DAZAP1: variants seen among roughly 807,000 people sequenced by gnomAD.
DAZAP1 encodes DAZ-associated protein 1.
In DAZAP1, 6 loss-of-function variants were observed where a neutral mutation model predicts 60.1. The ratio of observed to expected loss-of-function variants is 0.10; its 90% CI spans 0.05 to 0.20. The LOEUF is 0.20. DAZAP1 is among the 10% of genes least tolerant of loss of function. The pLI is 1.00. For synonymous variants in DAZAP1, 235 were observed against 215.9 expected (o/e 1.09, Z -0.78); for missense variants, 366 against 560.4 (o/e 0.65, Z 3.50).
rs1053261622 is a variant in DAZAP1 at position 1,425,147 on chromosome 19, T to C, written c.464-731T>C. On this transcript the variant is annotated intron_variant, in intron 6 of 11. Transcript: ENST00000233078. This position sits in a 1 kb window ranked among gnomAD's most constrained non-coding sequence, Gnocchi z 5.4. ...CCGTTGTGGCCTGTATCTTTGTGCATTGTTTCTCTACCTGTATAGAACATG... is the reference window on the plus strand; with the variant it reads ...CCGTTGTGGCCTGTATCTTTGTGCACTGTTTCTCTACCTGTATAGAACATG... 6.6e-6 allele frequency among the ~76,000 whole-genome samples: 1 copy of C among 152,244 alleles called. No individual in the cohort carries two copies.
chr19:1,434,918 G>A lies in DAZAP1; in HGVS notation c.*6G>A, dbSNP rs776036657. On this transcript the variant is annotated 3_prime_UTR_variant, in exon 12 of 12. Transcript: ENST00000233078. The surrounding 1 kb of genome is among the most constrained non-coding windows in gnomAD (Gnocchi z 8.0). ...TCCACCCCTACCGACGCTAGCCCGCGGCGCCGCGACGTCTGCACGGCCCAG... is the reference window on the plus strand; with the variant it reads ...TCCACCCCTACCGACGCTAGCCCGCAGCGCCGCGACGTCTGCACGGCCCAG... 2.8e-6 allele frequency: 4 copies of A among 1,437,888 alleles called. No homozygotes were observed. Among genetic ancestry groups the A allele is most frequent in the Admixed American group, 5.9e-5 (2 of 33,626 alleles). The allele number at this position is 1,437,888 out of a possible 1,614,324, so 89.1% of individuals were successfully genotyped here.
rs997238243 is a variant in DAZAP1 at position 1,433,205 on chromosome 19, G to A, written c.1048+515G>A. Reference sequence around the variant, plus strand: ...TCTGCCTGGACGTGATCTGCAGGCAGCGCATGTGCTTCCGGGGCAGGAGCT... The same window carrying A: ...TCTGCCTGGACGTGATCTGCAGGCAACGCATGTGCTTCCGGGGCAGGAGCT... On this transcript the variant is annotated intron_variant, in intron 11 of 11. Coordinates refer to ENST00000233078, the MANE Select transcript of DAZAP1 (RefSeq NM_018959.4). The surrounding 1 kb of genome is among the most constrained non-coding windows in gnomAD (Gnocchi z 6.1). The A allele has an allele frequency of 2.7e-5, 5 of 186,016 alleles. No homozygotes were observed. The highest frequency in any genetic ancestry group is 5.5e-5 in the Admixed American group (1 of 18,322). The allele number at this position is 186,016 out of a possible 1,614,324, so 11.5% of individuals were successfully genotyped here.
At position 1,422,253 on chromosome 19, in the gene DAZAP1, C is replaced by A; in HGVS notation, c.415-95C>A. The A allele has an allele frequency of 8.5e-7, 1 of 1,179,212 alleles. No individual in the cohort carries two copies. The highest frequency in any genetic ancestry group is 1.3e-6 in the Non-Finnish European group (1 of 796,456). The allele number at this position is 1,179,212 out of a possible 1,614,324, so 73.0% of individuals were successfully genotyped here. On this transcript the variant is annotated intron_variant, in intron 5 of 11. Coordinates refer to ENST00000233078, the MANE Select transcript of DAZAP1 (RefSeq NM_018959.4). This position sits in a 1 kb window ranked among gnomAD's most constrained non-coding sequence, Gnocchi z 4.5. The stretch of plus-strand genomic sequence containing the variant: ...CCGCTCAGGGAGGGCGCACCCTGTG[C>A]GAGAGTTTGGGTTCGTGGGAACAGG...
intron 5 of DAZAP1, among the ~76,000 whole-genome samples, chr19:1,421,599 C>T (rs1214973480): frequency 6.6e-6 from 1 of 152,234 alleles, no homozygotes; most frequent in Non-Finnish European, 1.5e-5. Flanking sequence ...GCGAGCCAGC[C>T]CCACAGAGCT....
chr19:1,415,353 A>ATG (rs61360796), intron 1 of DAZAP1, among the ~76,000 whole-genome samples: 29,149 of 109,026 alleles, frequency 0.27, 3,841 homozygotes, highest in Middle Eastern at 0.45. Flanking sequence ...TCAGGGTTTT[A>ATG]TGTGTGTGTG....
chr19:1,434,619 CCCCGTGGGA>C lies in DAZAP1; in HGVS notation c.1049-110_1049-102del, dbSNP rs2083548159. The C allele has an allele frequency of 9.2e-7, 1 of 1,083,840 alleles. No homozygotes were observed. The allele number at this position is 1,083,840 out of a possible 1,614,324, so 67.1% of individuals were successfully genotyped here. ...TGGCCTCAGAAGGGCCCCACCCGCA[CCCCGTGGGA>C]CCCGTGGACTCAAGGCAGGCTCGGC... is the stretch of plus-strand genomic sequence containing the variant. On this transcript the variant is annotated intron_variant, in intron 11 of 11. Coordinates refer to ENST00000233078, the MANE Select transcript of DAZAP1 (RefSeq NM_018959.4). This position sits in a 1 kb window ranked among gnomAD's most constrained non-coding sequence, Gnocchi z 8.0.
chr19:1,408,549 T>C (rs1266634154), intron 1 of DAZAP1, among the ~76,000 whole-genome samples: 1 of 144,568 alleles, frequency 6.9e-6, no homozygotes, highest in Non-Finnish European at 1.5e-5. Flanking sequence ...CCCCCCAAAG[T>C]GGTAAGGTCG....
At position 1,430,373 on chromosome 19, in the gene DAZAP1, G is replaced by A. The variant is rs1483539627; in HGVS notation, c.871+11G>A. ...CCCCGCCACAGTTCAGTAAGTCTAG[G>A]GGGCCTTGTGGGAGGGCCTCCCGCC... On this transcript the variant is annotated intron_variant, in intron 10 of 11. Coordinates refer to ENST00000233078, the MANE Select transcript of DAZAP1 (RefSeq NM_018959.4). 6.1e-6 allele frequency: 9 copies of A among 1,486,654 alleles called. No homozygotes were observed. Among genetic ancestry groups the A allele is most frequent in the Non-Finnish European group, 8.0e-6 (9 of 1,121,864 alleles). The allele number at this position is 1,486,654 out of a possible 1,614,324, so 92.1% of individuals were successfully genotyped here.
chr19:1,429,727 C>T (rs909273850), intron 8 of DAZAP1, among the ~76,000 whole-genome samples: 2 of 152,236 alleles, frequency 1.3e-5, no homozygotes, highest in African/African-American at 4.8e-5. Context: ...AGTCAGCAGA[C>T]ACAGTGCCCG....
In DAZAP1 at chr19:1,428,652, CAAAA is replaced by C; in HGVS notation, c.547-186_547-183del. The C allele has an allele frequency of 1.4e-6, 1 of 726,512 alleles. No homozygotes were observed. Among genetic ancestry groups the C allele is most frequent in the Non-Finnish European group, 2.2e-6 (1 of 459,572 alleles). 45.0% of individuals were successfully genotyped at this position (726,512 alleles called of 1,614,324 possible). ...TTGTACCTGAGAAACATTTTTTAAA[CAAAA>C]AAATTCAACACAAAAGAATTTTTTA... On this transcript the variant is annotated intron_variant, in intron 7 of 11. Transcript: ENST00000233078. This position sits in a 1 kb window ranked among gnomAD's most constrained non-coding sequence, Gnocchi z 4.0.
At chr19:1,408,392 C>A (rs947620537) in intron 1 of DAZAP1, among the ~76,000 whole-genome samples, 1 of 152,146 alleles carries the variant, frequency 6.6e-6, no homozygotes, top group African/African-American at 2.4e-5. Context: ...GGACCCCAAA[C>A]TGTGGCGTGG....
rs1342281322 is a variant in DAZAP1, at chr19:1,428,476, C to CT, written c.547-361dup. The CT allele has an allele frequency of 5.0e-6, 1 of 201,078 alleles. No homozygotes were observed. Among genetic ancestry groups the CT allele is most frequent in the Non-Finnish European group, 1.0e-5 (1 of 98,402 alleles). 12.5% of individuals were successfully genotyped at this position (201,078 alleles called of 1,614,324 possible). On this transcript the variant is annotated intron_variant, in intron 7 of 11. Coordinates refer to ENST00000233078, the MANE Select transcript of DAZAP1 (RefSeq NM_018959.4). The surrounding 1 kb of genome is among the most constrained non-coding windows in gnomAD (Gnocchi z 4.0). ...CCGATTGCTGGGAAGATCCTGGTCC[C>CT]TTTTTGTCCCCATGTTTTCAAGAGG...
chr19:1,434,650 C>A lies in DAZAP1; in HGVS notation c.1049-87C>A. 6.9e-7 allele frequency: 1 copy of A among 1,448,810 alleles called. No individual in the cohort carries two copies. The highest frequency in any genetic ancestry group is 9.5e-7 in the Non-Finnish European group (1 of 1,050,474). 89.7% of individuals were successfully genotyped at this position (1,448,810 alleles called of 1,614,324 possible). A position where few individuals can be genotyped will look rare whatever the true frequency, so the allele number is the denominator to read the frequency against. ...GGGACCCGTGGACTCAAGGCAGGCT[C>A]GGCGGAGCTGTGTCCAGGTGGCCTC... On this transcript the variant is annotated intron_variant, in intron 11 of 11. Coordinates refer to ENST00000233078, the MANE Select transcript of DAZAP1 (RefSeq NM_018959.4). The surrounding 1 kb of genome is among the most constrained non-coding windows in gnomAD (Gnocchi z 8.0).
chr19:1,430,113 AAG>A, intron 9 of DAZAP1, 107 bp from the exon 10 acceptor site: 12 of 1,558,906 alleles, frequency 7.7e-6, no homozygotes, highest in Non-Finnish European at 8.8e-6. Context: ...GCTGGAGAGG[AAG>A]AGAGGGTGAG....
Position 1,430,374 on chromosome 19 carries a change from G to A in DAZAP1, c.871+12G>A. On this transcript the variant is annotated intron_variant, in intron 10 of 11. Coordinates refer to ENST00000233078, the MANE Select transcript of DAZAP1 (RefSeq NM_018959.4). ...CCCGCCACAGTTCAGTAAGTCTAGG[G>A]GGCCTTGTGGGAGGGCCTCCCGCCT... 3 of 1,486,494 alleles carry A rather than the reference G, an allele frequency of 2.0e-6. No individual in the cohort carries two copies. The highest frequency in any genetic ancestry group is 2.5e-5 in the East Asian group (1 of 40,024). 92.1% of individuals were successfully genotyped at this position (1,486,494 alleles called of 1,614,324 possible).
Position 1,426,972 on chromosome 19 carries a change from C to T in DAZAP1, c.546+1012C>T, listed in dbSNP as rs1025674418. 6.6e-6 allele frequency: 1 copy of T among 152,246 alleles called. No homozygotes were observed. Among genetic ancestry groups the T allele is most frequent in the African/African-American group, 2.4e-5 (1 of 41,448 alleles). 9.4% of individuals were successfully genotyped at this position (152,246 alleles called of 1,614,324 possible). ...CATTATCTCCTGCCCCTGCCCTCTACCCCAGCCAGAGGTCTTGATAGCAGA... is the reference window on the plus strand; with the variant it reads ...CATTATCTCCTGCCCCTGCCCTCTATCCCAGCCAGAGGTCTTGATAGCAGA... On this transcript the variant is annotated intron_variant, in intron 7 of 11. Transcript: ENST00000233078. This position sits in a 1 kb window ranked among gnomAD's most constrained non-coding sequence, Gnocchi z 5.4.
In DAZAP1 at chr19:1,426,064, G is replaced by GGT; in HGVS notation, c.546+104_546+105insGT. The stretch of plus-strand genomic sequence containing the variant: ...TTCCTTCACGGAAAGGGTCGGGCGA[G>GGT]TTCGTCCTGTGAACCTTTGCTGCGT... On this transcript the variant is annotated intron_variant, in intron 7 of 11. Transcript: ENST00000233078. The surrounding 1 kb of genome is among the most constrained non-coding windows in gnomAD (Gnocchi z 5.4). 5.7e-6 allele frequency: 5 copies of GGT among 878,288 alleles called. No homozygotes were observed. Among genetic ancestry groups the GGT allele is most frequent in the Non-Finnish European group, 9.7e-6 (5 of 518,022 alleles). The allele number at this position is 878,288 out of a possible 1,614,324, so 54.4% of individuals were successfully genotyped here. A position where few individuals can be genotyped will look rare whatever the true frequency, so the allele number is the denominator to read the frequency against.
rs1324826907 is a variant in DAZAP1, at chr19:1,423,610, C to G, written c.463+1214C>G. On this transcript the variant is annotated intron_variant, in intron 6 of 11. Transcript: ENST00000233078. This position sits in a 1 kb window ranked among gnomAD's most constrained non-coding sequence, Gnocchi z 6.8. ...CGCTCAGGGCGCCTCCCCCAGGACC[C>G]AGCGCCTCTTGCACTGTGCCCGGAC... Among the ~76,000 whole-genome samples the G allele has an allele frequency of 6.6e-6, 1 of 152,260 alleles. No individual in the cohort carries two copies. Among genetic ancestry groups the G allele is most frequent in the East Asian group, 1.9e-4 (1 of 5,200 alleles).
chr19:1,418,030 AGT>A lies in DAZAP1; in HGVS notation c.71-167_71-166del, dbSNP rs1186453095. ...GCCCCTGATTTACGTGAGGACCTCA[AGT>A]GTGTGTTGGGCAGAATTCCCCAGCG... On this transcript the variant is annotated intron_variant, in intron 2 of 11. Transcript: ENST00000233078. The surrounding 1 kb of genome is among the most constrained non-coding windows in gnomAD (Gnocchi z 5.7). Among the ~76,000 whole-genome samples, 1 of 152,104 alleles carries A rather than the reference AGT, an allele frequency of 6.6e-6. No homozygotes were observed. Among genetic ancestry groups the A allele is most frequent in the Admixed American group, 6.6e-5 (1 of 15,262 alleles).
Sources: allele counts gnomAD v4.1 joint callset (sites outside exome capture counted in the v4.1 genomes callset), GRCh38; gene constraint gnomAD v4.1.1; non-coding constraint Gnocchi (gnomAD v3.1); transcripts MANE v1.5; gene names NCBI Gene and HGNC (gene_info 2026-07-23, HGNC 2026-07-21).